Variants in INSR observed in about 807,000 individuals in gnomAD.
The protein encoded by INSR is IR.
In INSR, 67 loss-of-function variants were observed where a neutral mutation model predicts 142.6. The observed-to-expected ratio is 0.47, with a 90% CI of 0.39 to 0.58. INSR has a LOEUF of 0.58. Ranked by LOEUF, INSR falls within the 20% of genes least tolerant of loss-of-function variation. INSR has a pLI of 0.00. For missense variants in INSR, 1,248 were observed against 1,833.2 expected (o/e 0.68, Z 5.83); for synonymous variants, 756 against 743.1 (o/e 1.02, Z -0.28).
chr19:7,286,688 C>A (rs1422556857), intron 1 of INSR, among the ~76,000 whole-genome samples: 1 of 151,880 alleles, frequency 6.6e-6, no homozygotes, highest in African/African-American at 2.4e-5. Context: ...CTGCACCCCA[C>A]CACAAGATTT....
At chr19:7,136,811 CTTTA>C (rs1568437799) in intron 13 of INSR, among the ~76,000 whole-genome samples, 8 of 97,456 alleles carry the variant, frequency 8.2e-5, no homozygotes, top group Admixed American at 2.5e-4. Context: ...TGATGTAAAA[CTTTA>C]TTTATTTATT....
intron 2 of INSR, among the ~76,000 whole-genome samples, chr19:7,241,245 C>A (rs946883193): frequency 6.8e-6 from 1 of 147,902 alleles, no homozygotes; most frequent in Non-Finnish European, 1.5e-5. Flanking sequence ...GTGGTGTGAT[C>A]GTAGCTCACT....
At chr19:7,206,864 C>G (rs1476013472) in intron 2 of INSR, among the ~76,000 whole-genome samples, 1 of 152,160 alleles carries the variant, frequency 6.6e-6, no homozygotes, top group African/African-American at 2.4e-5. Context: ...AACCACACTT[C>G]CTGATGACAT....
At chr19:7,171,218 TTTTG>T (rs72193351) in intron 5 of INSR, among the ~76,000 whole-genome samples, 41,870 of 151,364 alleles carry the variant, frequency 0.28, 7,847 homozygotes, top group African/African-American at 0.53. Flanking sequence ...CATTGAAGGT[TTTTG>T]TTTGTTTGTT....
At chr19:7,244,441 A>C (rs1976466262) in intron 2 of INSR, among the ~76,000 whole-genome samples, 2 of 151,922 alleles carry the variant, frequency 1.3e-5, no homozygotes, top group South Asian at 2.1e-4. Flanking sequence ...GCTGAGGCAC[A>C]AGAATTGTTT....
In INSR at chr19:7,126,666, C is replaced by T. The variant is rs752786237; in HGVS notation, c.2946-15G>A. 26 of 1,559,940 alleles carry T rather than the reference C, an allele frequency of 1.7e-5. No individual in the cohort carries two copies. The highest frequency in any genetic ancestry group is 9.5e-5 in the East Asian group (4 of 42,180). On this transcript the variant is annotated splice_polypyrimidine_tract_variant and intron_variant, in intron 15 of 21. Coordinates refer to ENST00000302850, the MANE Select transcript of INSR (RefSeq NM_000208.4). ...CATCTGGCTGCCTGGAGGAGGAAAA[C>T]GAGGCACGTTAGCTTGAGATTCTCA...
chr19:7,165,624 A>G (rs1320313397), intron 8 of INSR, among the ~76,000 whole-genome samples: 1 of 152,080 alleles, frequency 6.6e-6, no homozygotes, highest in African/African-American at 2.4e-5. Context: ...GGACTTTGGG[A>G]GGCCGAGGCA....
intron 2 of INSR, among the ~76,000 whole-genome samples, chr19:7,243,234 GTTTTTTTTTTTTTTTTTTT>G (rs1161289283): frequency 1.5e-5 from 1 of 68,178 alleles, no homozygotes; most frequent in Admixed American, 2.6e-4. Flanking sequence ...CACTGTTTTG[GTTTTTTTTTTTTTTTTTTT>G]TTTTTTTTTT....
intron 2 of INSR, among the ~76,000 whole-genome samples, chr19:7,240,358 G>A (rs897509436): frequency 6.6e-5 from 10 of 151,822 alleles, no homozygotes; most frequent in African/African-American, 2.4e-4. Context: ...TGAGGCAGGT[G>A]GATTACCTGA....
chr19:7,141,881 G>T, intron 12 of INSR, 65 bp from the exon 13 acceptor site: 1 of 1,342,856 alleles, frequency 7.4e-7, no homozygotes, highest in Non-Finnish European at 1.1e-6. Context: ...TCTGCCACCT[G>T]TCCATGGTGC....
At chr19:7,244,268 C>T (rs1487866105) in intron 2 of INSR, among the ~76,000 whole-genome samples, 2 of 152,202 alleles carry the variant, frequency 1.3e-5, no homozygotes, top group African/African-American at 4.8e-5. Flanking sequence ...CGCAGTGGCT[C>T]ATGCCTGTCA....
At position 7,198,697 on chromosome 19, in the gene INSR, C is replaced by T. The variant is rs184690237; in HGVS notation, c.653-14060G>A. ...CGGGCCAGTGCACCCTCTATTCTCACCCACCACTCACCCAGAAAACGAGAA... is the reference window on the plus strand; with the variant it reads ...CGGGCCAGTGCACCCTCTATTCTCATCCACCACTCACCCAGAAAACGAGAA... On this transcript the variant is annotated intron_variant, in intron 2 of 21. Transcript: ENST00000302850. Among the ~76,000 whole-genome samples, 15 of 152,252 alleles carry T rather than the reference C, an allele frequency of 9.9e-5. No individual in the cohort carries two copies. In the East Asian group the frequency reaches 1.4e-3, roughly 14 times the overall value.
intron 20 of INSR, among the ~76,000 whole-genome samples, chr19:7,120,308 CTG>C (rs919844212): frequency 4.6e-5 from 7 of 152,338 alleles, no homozygotes; most frequent in Admixed American, 3.3e-4. Flanking sequence ...TAAAACCAAA[CTG>C]TGCTCTGACC....
In INSR at chr19:7,159,404, G is replaced by C. The variant is rs1973693129; in HGVS notation, c.2029+3628C>G. 1 of 151,818 alleles carries C rather than the reference G, an allele frequency of 6.6e-6. No homozygotes were observed. The highest frequency in any genetic ancestry group is 1.5e-5 in the Non-Finnish European group (1 of 67,924). 9.4% of individuals were successfully genotyped at this position (151,818 alleles called of 1,614,324 possible). A position where few individuals can be genotyped will look rare whatever the true frequency, so the allele number is the denominator to read the frequency against. ...ATCTGAGGACTCTAGGGACCTCCTA[G>C]GAGTGAAATCACACAGAATTTGTCC... On this transcript the variant is annotated intron_variant, in intron 9 of 21. Coordinates refer to ENST00000302850, the MANE Select transcript of INSR (RefSeq NM_000208.4). This position sits in a 1 kb window ranked among gnomAD's most constrained non-coding sequence, Gnocchi z 4.3.
chr19:7,226,596 T>C (rs1407464450), intron 2 of INSR, among the ~76,000 whole-genome samples: 3 of 151,382 alleles, frequency 2.0e-5, no homozygotes, highest in African/African-American at 7.3e-5. Context: ...GGTGCGATGG[T>C]GTACACCTGT....
intron 2 of INSR, among the ~76,000 whole-genome samples, chr19:7,257,559 A>G (rs1600101096): frequency 6.7e-6 from 1 of 150,356 alleles, no homozygotes; most frequent in Non-Finnish European, 1.5e-5. Flanking sequence ...TAATCATCTG[A>G]GTGAAAAATG....
intron 2 of INSR, among the ~76,000 whole-genome samples, chr19:7,249,604 G>A (rs957091678): frequency 6.6e-6 from 1 of 152,070 alleles, no homozygotes; most frequent in African/African-American, 2.4e-5. Flanking sequence ...CCATTGAATT[G>A]GGGGAGGCTA....
intron 2 of INSR, among the ~76,000 whole-genome samples, chr19:7,231,356 G>A (rs1361351634): frequency 2.7e-5 from 4 of 147,134 alleles, no homozygotes; most frequent in East Asian, 2.0e-4. Flanking sequence ...GCTCTAGTGC[G>A]GTGGTGTGAT....
intron 2 of INSR, among the ~76,000 whole-genome samples, chr19:7,265,303 A>G (rs572498545): frequency 6.6e-6 from 1 of 152,238 alleles, no homozygotes; most frequent in African/African-American, 2.4e-5. Context: ...ACAGACCCCA[A>G]AGCAATGGCA....
Sources: gnomAD v4.1 joint callset for allele counts (sites outside exome capture counted in the v4.1 genomes callset) on GRCh38, gnomAD v4.1.1 for gene constraint, Gnocchi (gnomAD v3.1) non-coding constraint, MANE v1.5 for transcripts, NCBI Gene and HGNC (gene_info 2026-07-23, HGNC 2026-07-21) for gene names.